HMGB1: variants seen among roughly 807,000 people sequenced by gnomAD.
HMGB1 encodes the protein high mobility group protein B1.
For synonymous variants in HMGB1, 81 were observed against 84.0 expected (o/e 0.96, Z 0.19); for missense variants, 79 against 253.5 (o/e 0.31, Z 4.67).
rs1886024904 is a variant in HMGB1 at position 30,457,154 on chromosome 13, C to T, written c.*4203G>A. On this transcript the variant is annotated 3_prime_UTR_variant, in exon 5 of 5. Coordinates refer to ENST00000341423, the MANE Select transcript of HMGB1 (RefSeq NM_002128.7). ...TTTAAAATGGTATTTAGTATATCTG[C>T]AAAATTATTTATTTCTAGTAGACAA... 1 of 152,068 alleles carries T rather than the reference C, an allele frequency of 6.6e-6. No individual in the cohort carries two copies. Among genetic ancestry groups the T allele is most frequent in the South Asian group, 2.1e-4 (1 of 4,814 alleles). The allele number at this position is 152,068 out of a possible 1,614,324, so 9.4% of individuals were successfully genotyped here.
intron 1 of HMGB1, among the ~76,000 whole-genome samples, chr13:30,474,964 T>TTTTTTTG (rs1887044926): frequency 1.2e-5 from 1 of 82,420 alleles, no homozygotes; most frequent in African/African-American, 4.4e-5. Context: ...TTTTTGTTTT[T>TTTTTTTG]TTTTTTTTTT....
chr13:30,470,197 C>A (rs533524681), upstream of HMGB1, among the ~76,000 whole-genome samples: 2 of 152,296 alleles, frequency 1.3e-5, no homozygotes, highest in African/African-American at 4.8e-5. Flanking sequence ...CAGCCCCTAT[C>A]TTTGAATCCC....
chr13:30,458,543 AT>A lies in HMGB1; in HGVS notation c.*2813del, dbSNP rs1886103842. Reference sequence around the variant, plus strand: ...GCGGGGTTTCACCACGTTAGCCAGGATGGTCTCAATCTCCTGACCTCGTGAT... The same window carrying A: ...GCGGGGTTTCACCACGTTAGCCAGGAGGTCTCAATCTCCTGACCTCGTGAT... On this transcript the variant is annotated 3_prime_UTR_variant, in exon 5 of 5. Transcript: ENST00000341423. 1 of 152,104 alleles carries A rather than the reference AT, an allele frequency of 6.6e-6. No homozygotes were observed. Among genetic ancestry groups the A allele is most frequent in the Non-Finnish European group, 1.5e-5 (1 of 68,094 alleles). The allele number at this position is 152,104 out of a possible 1,614,324, so 9.4% of individuals were successfully genotyped here.
intron 1 of HMGB1, among the ~76,000 whole-genome samples, chr13:30,586,615 G>A (rs1871167135): frequency 6.7e-6 from 1 of 150,304 alleles, no homozygotes; most frequent in Non-Finnish European, 1.5e-5. Flanking sequence ...AGTCTCCCGA[G>A]TACTGGGATT....
Position 30,462,709 on chromosome 13 carries a change from C to T in HMGB1, c.300G>A (p.Ser100=), listed in dbSNP as rs760333795. The T allele has an allele frequency of 7.5e-6, 12 of 1,602,594 alleles. No homozygotes were observed. The highest frequency in any genetic ancestry group is 4.1e-5 in the African/African-American group (3 of 73,694). Residue 100 remains serine, a synonymous_variant, in exon 4 of 5, where the codon TCG becomes TCA. Coordinates refer to ENST00000341423, the MANE Select transcript of HMGB1 (RefSeq NM_002128.7). ...ACTCAGAGCAGAAGAGGAAGAAGGC[C>T]GAACTAAAAAAAAAATTAATTTTAG... ...KDPNAPKRPP[S]AFFLFCSEYR...
In HMGB1 at chr13:30,460,262, CTTTG is replaced by C. The variant is rs1168560736; in HGVS notation, c.*1091_*1094del. 3 of 151,522 alleles carry C rather than the reference CTTTG, an allele frequency of 2.0e-5. No homozygotes were observed. Among genetic ancestry groups the C allele is most frequent in the African/African-American group, 4.9e-5 (2 of 41,018 alleles). 9.4% of individuals were successfully genotyped at this position (151,522 alleles called of 1,614,324 possible). On this transcript the variant is annotated 3_prime_UTR_variant, in exon 5 of 5. Transcript: ENST00000341423. ...ATATACCCTATTTTGAATGTGGCAT[CTTTG>C]TTTGAAAAGCTGGCCCAATTAATTA...
At chr13:30,528,459 C>T (rs1440884760) in intron 1 of HMGB1, among the ~76,000 whole-genome samples, 1 of 152,124 alleles carries the variant, frequency 6.6e-6, no homozygotes, top group Admixed American at 6.5e-5. Context: ...TACCGTATTG[C>T]GCTCCCTTGC....
At chr13:30,547,260 A>AG (rs1869205420) in intron 1 of HMGB1, among the ~76,000 whole-genome samples, 1 of 152,236 alleles carries the variant, frequency 6.6e-6, no homozygotes. Context: ...AGAACTTACT[A>AG]CAGGTAAGGC....
At chr13:30,571,292 GTT>G (rs557966775) in intron 1 of HMGB1, among the ~76,000 whole-genome samples, 8 of 135,452 alleles carry the variant, frequency 5.9e-5, no homozygotes, top group Admixed American at 7.5e-5. Flanking sequence ...CAAAAAAATG[GTT>G]TTTTTTTTTT....
chr13:30,515,521 T>C (rs1250448631), intron 1 of HMGB1, among the ~76,000 whole-genome samples: 1 of 152,212 alleles, frequency 6.6e-6, no homozygotes, highest in East Asian at 1.9e-4. Context: ...ATTCAATAAA[T>C]ACTCACTGAG....
In HMGB1 at chr13:30,463,525, T is replaced by C; in HGVS notation, c.150+6A>G. On this transcript the variant is annotated splice_donor_region_variant and intron_variant, in intron 2 of 4. Transcript: ENST00000341423. ...TACCTTGTTAGCATGTTTTAAGCCC[T>C]CTTACCTTCCACCTCTCTGAGCACT... The C allele has an allele frequency of 6.2e-7, 1 of 1,610,874 alleles. No individual in the cohort carries two copies. The highest frequency in any genetic ancestry group is 1.1e-5 in the South Asian group (1 of 90,296).
At position 30,491,576 on chromosome 13, in the gene HMGB1, T is replaced by A. The variant is rs375863105; in HGVS notation, c.-14-27882A>T. ...TATTCAGGAGGCTGAGGTGGGAGGATCACCTAAGCCTGGGAGGCAGAGGTT... is the reference window on the plus strand; with the variant it reads ...TATTCAGGAGGCTGAGGTGGGAGGAACACCTAAGCCTGGGAGGCAGAGGTT... On this transcript the variant is annotated intron_variant, in intron 1 of 4. Transcript: ENST00000405805. Among the ~76,000 whole-genome samples the A allele has an allele frequency of 3.3e-5, 5 of 150,162 alleles. No homozygotes were observed. The East Asian group carries it at 7.9e-4, about 24-fold the overall frequency.
At chr13:30,578,435 AG>A (rs1870758312) in intron 1 of HMGB1, among the ~76,000 whole-genome samples, 1 of 127,864 alleles carries the variant, frequency 7.8e-6, no homozygotes, top group African/African-American at 3.1e-5. Context: ...GGTAAATGTC[AG>A]TAAATGTTCC....
intron 1 of HMGB1, among the ~76,000 whole-genome samples, chr13:30,596,735 G>T (rs1003003737): frequency 2.0e-5 from 3 of 152,212 alleles, no homozygotes; most frequent in African/African-American, 7.2e-5. Flanking sequence ...AAAGGATACA[G>T]AACGGAATAC....
intron 1 of HMGB1, among the ~76,000 whole-genome samples, chr13:30,503,450 A>C (rs1217455682): frequency 7.9e-6 from 1 of 126,510 alleles, no homozygotes; most frequent in Non-Finnish European, 1.8e-5. Context: ...AAATATATGA[A>C]TAAATAATAA....
chr13:30,463,363 A>T lies in HMGB1; in HGVS notation c.151-11T>A. ...TTTAGCAGACATGGTCTACAAAATA[A>T]TTATTTGTAAGTTTAAGTTGTAACA... On this transcript the variant is annotated splice_polypyrimidine_tract_variant and intron_variant, in intron 2 of 4. Transcript: ENST00000341423. 3 of 1,589,040 alleles carry T rather than the reference A, an allele frequency of 1.9e-6. No individual in the cohort carries two copies. Among genetic ancestry groups the T allele is most frequent in the Non-Finnish European group, 2.6e-6 (3 of 1,171,398 alleles).
intron 1 of HMGB1, among the ~76,000 whole-genome samples, chr13:30,518,625 G>T (rs1888153356): frequency 1.3e-5 from 2 of 152,052 alleles, no homozygotes; most frequent in African/African-American, 4.8e-5. Flanking sequence ...GTGCCAATGA[G>T]AAATGCTTGA....
intron 1 of HMGB1, among the ~76,000 whole-genome samples, chr13:30,574,403 C>T (rs1315103104): frequency 6.6e-6 from 1 of 152,194 alleles, no homozygotes; most frequent in Non-Finnish European, 1.5e-5. Context: ...CTAGTGCTAA[C>T]ACACTGTCTA....
intron 1 of HMGB1, among the ~76,000 whole-genome samples, chr13:30,613,926 T>C (rs938147371): frequency 3.3e-5 from 5 of 149,638 alleles, no homozygotes; most frequent in African/African-American, 4.9e-5. Flanking sequence ...TTCAAAAGGA[T>C]AGGGTAGATG....
Sources: allele counts gnomAD v4.1 joint callset (sites outside exome capture counted in the v4.1 genomes callset), GRCh38; gene constraint gnomAD v4.1.1; transcripts MANE v1.5; gene names NCBI Gene and HGNC (gene_info 2026-07-23, HGNC 2026-07-21).